The following COX7B2 variants were observed in gnomAD, a reference collection of about 807,000 sequenced individuals.
COX7B2 encodes the protein cytochrome c oxidase subunit 7B2, mitochondrial.
For missense variants in COX7B2, 109 were observed against 95.9 expected (o/e 1.14, Z -0.57); for synonymous variants, 37 against 32.1 (o/e 1.15, Z -0.51).
At chr4:46,895,963 C>G (rs144022828) in intron 1 of COX7B2, among the ~76,000 whole-genome samples, 5 of 152,254 alleles carry the variant, frequency 3.3e-5, no homozygotes, top group Admixed American at 1.3e-4. Context: ...TACATTTCAT[C>G]TCTTCTTGAG....
chr4:46,764,888 A>G (rs13141126), intron 2 of COX7B2, among the ~76,000 whole-genome samples: 26,606 of 151,886 alleles, frequency 0.18, 3,034 homozygotes, highest in Non-Finnish European at 0.27. Flanking sequence ...GAATATAGCA[A>G]GAGAGGAAAA....
intron 1 of COX7B2, among the ~76,000 whole-genome samples, chr4:46,858,139 G>A (rs1717110940): frequency 6.6e-6 from 1 of 152,100 alleles, no homozygotes; most frequent in South Asian, 2.1e-4. Flanking sequence ...TCTAACCCAG[G>A]CTGGAGTGCA....
chr4:46,860,809 A>G (rs116000146), intron 1 of COX7B2, among the ~76,000 whole-genome samples: 1,685 of 152,266 alleles, frequency 0.011, 20 homozygotes, highest in Middle Eastern at 0.041. Context: ...TGTGTAAGGC[A>G]GGATACTCGG....
intron 2 of COX7B2, among the ~76,000 whole-genome samples, chr4:46,759,899 G>A (rs1451992285): frequency 6.7e-6 from 1 of 148,928 alleles, no homozygotes; most frequent in African/African-American, 2.5e-5. Context: ...AGTTATATAA[G>A]TCTTATCTTA....
At chr4:46,805,747 A>G (rs534161082) in intron 2 of COX7B2, among the ~76,000 whole-genome samples, 1 of 152,242 alleles carries the variant, frequency 6.6e-6, no homozygotes, top group African/African-American at 2.4e-5. Context: ...TCGTAGATCA[A>G]TGTAATTTTT....
At chr4:46,752,495 C>T (rs1218964145) in intron 2 of COX7B2, among the ~76,000 whole-genome samples, 1 of 151,880 alleles carries the variant, frequency 6.6e-6, no homozygotes, top group Non-Finnish European at 1.5e-5. Context: ...CTGTCTTGTG[C>T]CAATTTTCAA....
intron 1 of COX7B2, among the ~76,000 whole-genome samples, chr4:46,850,016 A>G (rs1716561742): frequency 6.6e-6 from 1 of 152,168 alleles, no homozygotes; most frequent in African/African-American, 2.4e-5. Context: ...TTTTTTATCA[A>G]CAACAAAAAT....
chr4:46,898,938 T>C (rs1719924376), intron 1 of COX7B2, among the ~76,000 whole-genome samples: 1 of 152,150 alleles, frequency 6.6e-6, no homozygotes, highest in Admixed American at 6.5e-5. Flanking sequence ...AAACCTACTA[T>C]AGTGTAACCT....
intron 1 of COX7B2, among the ~76,000 whole-genome samples, chr4:46,883,457 T>C (rs1421662323): frequency 3.9e-5 from 6 of 152,096 alleles, no homozygotes; most frequent in African/African-American, 1.4e-4. Context: ...TTTAATTGGC[T>C]GGGCATGGTG....
chr4:46,904,406 CAGA>C (rs1018890045), intron 1 of COX7B2, among the ~76,000 whole-genome samples: 8 of 152,136 alleles, frequency 5.3e-5, no homozygotes, highest in East Asian at 3.9e-4. Flanking sequence ...AATCACTTCA[CAGA>C]AGAAGAAATT....
chr4:46,894,947 G>A (rs1307884270), intron 1 of COX7B2, among the ~76,000 whole-genome samples: 1 of 152,182 alleles, frequency 6.6e-6, no homozygotes, highest in African/African-American at 2.4e-5. Context: ...TCTCACACCA[G>A]TCGGAATGGC....
At chr4:46,773,721 A>C (rs891304839) in intron 2 of COX7B2, among the ~76,000 whole-genome samples, 1 of 152,120 alleles carries the variant, frequency 6.6e-6, no homozygotes, top group African/African-American at 2.4e-5. Context: ...ATTTTTTAGA[A>C]AGAAGCTGAG....
At chr4:46,834,649 A>C (rs1199376839) in intron 2 of COX7B2, among the ~76,000 whole-genome samples, 1 of 152,156 alleles carries the variant, frequency 6.6e-6, no homozygotes, top group Non-Finnish European at 1.5e-5. Flanking sequence ...TTTCTTCTTC[A>C]CTTGATTGTT....
chr4:46,817,251 G>C (rs1719602815), intron 2 of COX7B2, among the ~76,000 whole-genome samples: 1 of 152,198 alleles, frequency 6.6e-6, no homozygotes, highest in Non-Finnish European at 1.5e-5. Flanking sequence ...TGTTTGCCAA[G>C]AGTCAGGCCC....
chr4:46,842,524 T>C (rs2109758285), intron 2 of COX7B2, among the ~76,000 whole-genome samples: 1 of 152,106 alleles, frequency 6.6e-6, no homozygotes, highest in Admixed American at 6.5e-5. Flanking sequence ...TAACATTAGG[T>C]ATATCTCCTA....
At chr4:46,896,181 T>A (rs1350276377) in intron 1 of COX7B2, among the ~76,000 whole-genome samples, 1 of 152,196 alleles carries the variant, frequency 6.6e-6, no homozygotes, top group African/African-American at 2.4e-5. Flanking sequence ...CATATTTTAT[T>A]CTTACCTTTG....
chr4:46,832,515 T>C lies in COX7B2; in HGVS notation c.-50+12445A>G, dbSNP rs141585492. Among the ~76,000 whole-genome samples the C allele has an allele frequency of 2.0e-5, 3 of 152,258 alleles. No homozygotes were observed. In the East Asian group the frequency reaches 5.8e-4, roughly 29 times the overall value. ...GCAAAAACCAGTTCCATAGGCATAT[T>C]TAAAGACAAGGTAAAAGTTAAAACT... On this transcript the variant is annotated intron_variant, in intron 2 of 2. Transcript: ENST00000355591.
intron 1 of COX7B2, among the ~76,000 whole-genome samples, chr4:46,892,873 G>C (rs1437494556): frequency 6.6e-6 from 1 of 152,108 alleles, no homozygotes; most frequent in Non-Finnish European, 1.5e-5. Flanking sequence ...CTGAATAATG[G>C]GGGGATTTCC....
intron 1 of COX7B2, among the ~76,000 whole-genome samples, chr4:46,872,214 T>C (rs183138384): frequency 1.3e-5 from 2 of 152,120 alleles, no homozygotes; most frequent in African/African-American, 4.8e-5. Context: ...ATAAAATTAA[T>C]GCAGGAACAG....
Sources: allele counts gnomAD v4.1 joint callset (sites outside exome capture counted in the v4.1 genomes callset), GRCh38; gene constraint gnomAD v4.1.1; transcripts MANE v1.5; gene names NCBI Gene and HGNC (gene_info 2026-07-23, HGNC 2026-07-21).